ZNF423: variants seen among roughly 807,000 people sequenced by gnomAD.
ZNF423 encodes zinc finger protein 423.
In ZNF423, 12 loss-of-function variants were observed where a neutral mutation model predicts 95.8. The ratio of observed to expected loss-of-function variants is 0.13; its 90% CI spans 0.08 to 0.20. The LOEUF is 0.20. ZNF423 is among the 10% of genes least tolerant of loss of function. The probability of loss-of-function intolerance (pLI) is 1.00; values close to 1 mark genes in which losing one functional copy is unlikely to be tolerated. For synonymous variants in ZNF423, 749 were observed against 711.9 expected (o/e 1.05, Z -0.83); for missense variants, 1,316 against 1,737.1 (o/e 0.76, Z 4.31).
intron 2 of ZNF423, among the ~76,000 whole-genome samples, chr16:49,751,681 A>AT (rs2143573329): frequency 6.6e-6 from 1 of 152,334 alleles, no homozygotes; most frequent in Admixed American, 6.5e-5. Flanking sequence ...CTTCTGATTT[A>AT]TTAAAGAGTA....
chr16:49,562,177 T>C (rs1970037871), intron 5 of ZNF423, among the ~76,000 whole-genome samples: 1 of 151,392 alleles, frequency 6.6e-6, no homozygotes, highest in Admixed American at 6.6e-5. Context: ...TATGGGAGAG[T>C]GGTCTGACTG....
chr16:49,836,406 G>A (rs2035120734), intron 1 of ZNF423, among the ~76,000 whole-genome samples: 1 of 152,066 alleles, frequency 6.6e-6, no homozygotes, highest in Non-Finnish European at 1.5e-5. Flanking sequence ...TCACCAGCTG[G>A]GTCTCGGGGG....
At chr16:49,825,259 T>G (rs1186137166) in intron 1 of ZNF423, among the ~76,000 whole-genome samples, 2 of 152,126 alleles carry the variant, frequency 1.3e-5, no homozygotes, top group African/African-American at 4.8e-5. Context: ...TTTTAAAAAA[T>G]CTGGTGTTGA....
chr16:49,842,079 A>T (rs984209352), intron 1 of ZNF423, among the ~76,000 whole-genome samples: 4 of 151,304 alleles, frequency 2.6e-5, no homozygotes, highest in African/African-American at 9.7e-5. Context: ...TCTACTAAAA[A>T]TACATAAATT....
chr16:49,716,302 C>T (rs2032704382), intron 3 of ZNF423, among the ~76,000 whole-genome samples: 1 of 152,126 alleles, frequency 6.6e-6, no homozygotes, highest in Non-Finnish European at 1.5e-5. Flanking sequence ...ACCTCATCAC[C>T]CCCATCATGA....
At chr16:49,562,315 T>A (rs1970044821) in intron 5 of ZNF423, among the ~76,000 whole-genome samples, 1 of 152,158 alleles carries the variant, frequency 6.6e-6, no homozygotes, top group Non-Finnish European at 1.5e-5. Flanking sequence ...TCCGTGTGAG[T>A]CTTAAACAAA....
At chr16:49,570,357 G>A (rs1397304074) in intron 5 of ZNF423, among the ~76,000 whole-genome samples, 1 of 152,126 alleles carries the variant, frequency 6.6e-6, no homozygotes, top group African/African-American at 2.4e-5. Flanking sequence ...AGATAAGAAG[G>A]CTGAGGCTCA....
intron 1 of ZNF423, among the ~76,000 whole-genome samples, chr16:49,828,134 C>G (rs1290471053): frequency 2.0e-5 from 3 of 152,220 alleles, no homozygotes; most frequent in African/African-American, 7.2e-5. Flanking sequence ...ACCCCACATT[C>G]CAAATTCAGG....
chr16:49,644,300 C>T (rs117852123), intron 3 of ZNF423, among the ~76,000 whole-genome samples: 108 of 152,084 alleles, frequency 7.1e-4, no homozygotes, highest in Non-Finnish European at 1.3e-3. Flanking sequence ...GATAGCTGAG[C>T]CCAGGAAGTT....
At chr16:49,662,044 C>T (rs1480104462) in intron 3 of ZNF423, among the ~76,000 whole-genome samples, 1 of 152,202 alleles carries the variant, frequency 6.6e-6, no homozygotes, top group East Asian at 1.9e-4. Context: ...TGGCAGCAAA[C>T]ACAGAGACCG....
intron 1 of ZNF423, among the ~76,000 whole-genome samples, chr16:49,796,640 G>T (rs529574614): frequency 4.6e-5 from 7 of 152,328 alleles, no homozygotes; most frequent in Admixed American, 4.6e-4. Flanking sequence ...GTGGCAGGAG[G>T]TGAATGAGAG....
chr16:49,516,135 G>A (rs924741630), intron 7 of ZNF423, among the ~76,000 whole-genome samples: 2 of 152,204 alleles, frequency 1.3e-5, no homozygotes, highest in Non-Finnish European at 2.9e-5. Flanking sequence ...AGGGGGACCC[G>A]AAGCCCCGGC....
chr16:49,800,168 T>C (rs996692618), intron 1 of ZNF423, among the ~76,000 whole-genome samples: 3 of 151,422 alleles, frequency 2.0e-5, no homozygotes, highest in Non-Finnish European at 4.4e-5. Flanking sequence ...CACTTGACCC[T>C]GGGAGGCAGG....
intron 5 of ZNF423, among the ~76,000 whole-genome samples, chr16:49,610,390 A>T (rs1971684176): frequency 6.6e-6 from 1 of 152,182 alleles, no homozygotes. Flanking sequence ...TAAGACAGTC[A>T]TAAGTAGGGA....
chr16:49,836,291 G>C (rs1224925183), intron 1 of ZNF423, among the ~76,000 whole-genome samples: 1 of 152,006 alleles, frequency 6.6e-6, no homozygotes, highest in Non-Finnish European at 1.5e-5. Flanking sequence ...ACTTGGCCTG[G>C]GACATCCTCC....
At chr16:49,758,846 C>CAGA (rs2033774845) in intron 2 of ZNF423, among the ~76,000 whole-genome samples, 1 of 152,164 alleles carries the variant, frequency 6.6e-6, no homozygotes, top group African/African-American at 2.4e-5. Context: ...ACGTGAGTGA[C>CAGA]AGAACTTTAA....
At chr16:49,563,715 T>A (rs1305691657) in intron 5 of ZNF423, among the ~76,000 whole-genome samples, 1 of 152,212 alleles carries the variant, frequency 6.6e-6, no homozygotes, top group East Asian at 1.9e-4. Context: ...ACCAGGCCAA[T>A]GGCATCCACC....
At chr16:49,737,584 G>A (rs151123411) in intron 2 of ZNF423, among the ~76,000 whole-genome samples, 28 of 152,350 alleles carry the variant, frequency 1.8e-4, no homozygotes, top group African/African-American at 3.1e-4. Flanking sequence ...ACCACTATAC[G>A]GAAAGGCAGA....
chr16:49,628,466 C>A (rs1475543963), intron 4 of ZNF423, among the ~76,000 whole-genome samples: 1 of 152,114 alleles, frequency 6.6e-6, no homozygotes, highest in African/African-American at 2.4e-5. Flanking sequence ...ATCAGTCTAT[C>A]CATCCATCCA....
Sources: allele counts gnomAD v4.1 joint callset (sites outside exome capture counted in the v4.1 genomes callset), GRCh38; gene constraint gnomAD v4.1.1; transcripts MANE v1.5; gene names NCBI Gene and HGNC (gene_info 2026-07-23, HGNC 2026-07-21).